Variants in SLC35F4 observed in about 807,000 individuals in gnomAD.
The protein encoded by SLC35F4 is chromosome 14 open reading frame 36.
Under a neutral mutation model 44.2 loss-of-function variants are expected in SLC35F4, and 24 were observed. The observed-to-expected ratio is 0.54, with a 90% confidence interval of 0.39 to 0.76. The LOEUF (loss-of-function observed/expected upper bound fraction) is 0.76, where lower values mean the gene tolerates loss of function less well. SLC35F4 is among the 30% of genes least tolerant of loss of function. The pLI is 0.00. For missense variants in SLC35F4, 562 were observed against 586.1 expected (o/e 0.96, Z 0.42); for synonymous variants, 238 against 223.6 (o/e 1.06, Z -0.57).
chr14:57,697,101 T>C (rs559742418), intron 1 of SLC35F4, among the ~76,000 whole-genome samples: 21 of 152,254 alleles, frequency 1.4e-4, no homozygotes, highest in Non-Finnish European at 2.4e-4. Context: ...AAAAATATAT[T>C]TTATTATGTA....
chr14:57,656,879 G>C (rs1314865299), intron 1 of SLC35F4, among the ~76,000 whole-genome samples: 1 of 152,000 alleles, frequency 6.6e-6, no homozygotes, highest in Non-Finnish European at 1.5e-5. Flanking sequence ...GTGATATTCT[G>C]AGTGTAAATA....
intron 1 of SLC35F4, among the ~76,000 whole-genome samples, chr14:57,642,131 T>C (rs2073274001): frequency 6.6e-6 from 1 of 152,018 alleles, no homozygotes; most frequent in South Asian, 2.1e-4. Flanking sequence ...TGCCCATTAA[T>C]AAATAAAATA....
intron 1 of SLC35F4, among the ~76,000 whole-genome samples, chr14:57,636,329 A>T (rs2073015798): frequency 6.6e-6 from 1 of 152,126 alleles, no homozygotes; most frequent in Non-Finnish European, 1.5e-5. Flanking sequence ...TCTACTCTAT[A>T]TTGCAGAGGT....
chr14:57,929,429 A>G (rs1022543503), intron 1 of SLC35F4, among the ~76,000 whole-genome samples: 4 of 152,132 alleles, frequency 2.6e-5, no homozygotes, highest in Admixed American at 6.5e-5. Context: ...ACCCTCTTAC[A>G]GCACCTTAGA....
At position 57,566,408 on chromosome 14, in the gene SLC35F4, C is replaced by T. The variant is rs998920672; in HGVS notation, c.1216+67G>A. 2.9e-5 allele frequency: 42 copies of T among 1,453,412 alleles called. 2 individuals are homozygous for T. The Admixed American group carries it at 4.8e-4, about 16-fold the overall frequency. 90.0% of individuals were successfully genotyped at this position (1,453,412 alleles called of 1,614,324 possible). Reference sequence around the variant, plus strand: ...AATTTCTAGAAGGAACAACTCAGGACACAGAACAAACACAAGCAAGAGACT... The same window carrying T: ...AATTTCTAGAAGGAACAACTCAGGATACAGAACAAACACAAGCAAGAGACT... On this transcript the variant is annotated intron_variant, in intron 7 of 7. Transcript: ENST00000556826.
At position 57,958,134 on chromosome 14, in the gene SLC35F4, C is replaced by T. The variant is rs572716917; in HGVS notation, n.282+23779G>A. Among the ~76,000 whole-genome samples, 12 of 152,100 alleles carry T rather than the reference C, an allele frequency of 7.9e-5. No individual in the cohort carries two copies. In the South Asian group the frequency reaches 1.0e-3, roughly 13 times the overall value. On this transcript the variant is annotated intron_variant and non_coding_transcript_variant, in intron 1 of 1. Transcript: ENST00000556568. ...GCAGTGGCGCGAAATCTCAGCTCAC[C>T]GCAAGCTCTGCCTCCCAGGTTCACG...
upstream of SLC35F4, among the ~76,000 whole-genome samples, chr14:57,867,822 A>G (rs1310733574): frequency 2.6e-5 from 4 of 152,264 alleles, no homozygotes; most frequent in South Asian, 4.1e-4. Flanking sequence ...GCACATTAAT[A>G]TATATATCAG....
chr14:57,759,970 C>T (rs2077086820), intron 1 of SLC35F4, among the ~76,000 whole-genome samples: 1 of 149,498 alleles, frequency 6.7e-6, no homozygotes, highest in African/African-American at 2.5e-5. Flanking sequence ...ATATGACTTG[C>T]AGTTCTTTTC....
intron 1 of SLC35F4, among the ~76,000 whole-genome samples, chr14:57,736,355 G>C (rs893181487): frequency 1.3e-5 from 2 of 152,176 alleles, no homozygotes. Context: ...CCACAAGTGG[G>C]AAGAATAATC....
chr14:57,730,197 G>GT (rs1566802592), intron 1 of SLC35F4, among the ~76,000 whole-genome samples: 1 of 152,076 alleles, frequency 6.6e-6, no homozygotes, highest in Non-Finnish European at 1.5e-5. Flanking sequence ...TCTGATTTTT[G>GT]TTTTTTGTGA....
At chr14:57,585,966 G>GA (rs952045804) in intron 3 of SLC35F4, among the ~76,000 whole-genome samples, 3 of 151,986 alleles carry the variant, frequency 2.0e-5, no homozygotes, top group Non-Finnish European at 2.9e-5. Flanking sequence ...TACAGAATTG[G>GA]AAAAAAACTA....
intron 1 of SLC35F4, among the ~76,000 whole-genome samples, chr14:57,965,759 G>A (rs1415160052): frequency 6.6e-6 from 1 of 152,154 alleles, no homozygotes; most frequent in African/African-American, 2.4e-5. Flanking sequence ...GAGGAGGTGG[G>A]AAAGGAAACA....
intron 1 of SLC35F4, among the ~76,000 whole-genome samples, chr14:57,953,096 G>A (rs1890170404): frequency 6.6e-6 from 1 of 152,192 alleles, no homozygotes; most frequent in African/African-American, 2.4e-5. Context: ...TCTCTCTGCA[G>A]AAACCTTACG....
At chr14:57,701,930 G>T (rs554680209) in intron 1 of SLC35F4, among the ~76,000 whole-genome samples, 2 of 152,232 alleles carry the variant, frequency 1.3e-5, no homozygotes, top group East Asian at 3.9e-4. Context: ...GATAATGGGG[G>T]ACTACTGTAT....
At chr14:57,928,029 C>T (rs1889616414) in intron 1 of SLC35F4, among the ~76,000 whole-genome samples, 1 of 151,706 alleles carries the variant, frequency 6.6e-6, no homozygotes, top group Admixed American at 6.6e-5. Context: ...TAGACAATAA[C>T]TGTTCTACTC....
intron 1 of SLC35F4, among the ~76,000 whole-genome samples, chr14:57,657,015 C>T (rs1369258784): frequency 2.0e-5 from 3 of 152,222 alleles, no homozygotes; most frequent in African/African-American, 2.4e-5. Flanking sequence ...GGCACTTACA[C>T]GTGGCAGGTC....
intron 1 of SLC35F4, among the ~76,000 whole-genome samples, chr14:57,637,205 A>G (rs2073049005): frequency 6.6e-6 from 1 of 152,126 alleles, no homozygotes; most frequent in East Asian, 1.9e-4. Flanking sequence ...GGGACTCTGA[A>G]ACAAGTCACC....
chr14:57,588,722 CCATGT>C (rs1163101215), intron 3 of SLC35F4, among the ~76,000 whole-genome samples: 3 of 152,158 alleles, frequency 2.0e-5, no homozygotes, highest in African/African-American at 7.2e-5. Flanking sequence ...TGAAATCAGG[CCATGT>C]CATCTGCTAG....
At chr14:57,815,287 T>A (rs924964092) in intron 1 of SLC35F4, among the ~76,000 whole-genome samples, 14 of 152,206 alleles carry the variant, frequency 9.2e-5, no homozygotes, top group African/African-American at 3.1e-4. Context: ...ATTAGGGTGT[T>A]TTTTAGCATT....
Sources: gnomAD v4.1 joint callset for allele counts (sites outside exome capture counted in the v4.1 genomes callset) on GRCh38, gnomAD v4.1.1 for gene constraint, MANE v1.5 for transcripts, NCBI Gene and HGNC (gene_info 2026-07-23, HGNC 2026-07-21) for gene names.